Variants in CCDC178 observed in about 807,000 individuals in gnomAD.
CCDC178 encodes coiled-coil domain containing 178.
In CCDC178, 126 loss-of-function variants were observed where a neutral mutation model predicts 117.4. The ratio of observed to expected loss-of-function variants is 1.07; its 90% CI spans 0.93 to 1.24. CCDC178 has a LOEUF of 1.24. CCDC178 is among the 50% of genes most tolerant of loss of function. The pLI is 0.00. For missense variants in CCDC178, 1,030 were observed against 986.9 expected (o/e 1.04, Z -0.59); for synonymous variants, 283 against 313.4 (o/e 0.90, Z 1.02).
chr18:33,115,372 T>A (rs1292842506), intron 20 of CCDC178, among the ~76,000 whole-genome samples: 3 of 152,062 alleles, frequency 2.0e-5, no homozygotes, highest in Non-Finnish European at 4.4e-5. Context: ...AGAAGCCTTA[T>A]TGTAAGAGAA....
At chr18:33,283,052 G>A (rs1238716928) in intron 12 of CCDC178, among the ~76,000 whole-genome samples, 2 of 152,150 alleles carry the variant, frequency 1.3e-5, no homozygotes, top group Non-Finnish European at 2.9e-5. Flanking sequence ...TGCCACTGTG[G>A]TGAAAGCTAG....
chr18:33,149,723 G>A (rs1452222915), intron 20 of CCDC178, among the ~76,000 whole-genome samples: 1 of 152,074 alleles, frequency 6.6e-6, no homozygotes, highest in African/African-American at 2.4e-5. Flanking sequence ...CCACAAACAT[G>A]TAGCAGATTG....
chr18:33,226,999 A>T (rs760809489), intron 15 of CCDC178, 144 bp from the exon 16 acceptor site: 2 of 333,626 alleles, frequency 6.0e-6, no homozygotes, highest in Non-Finnish European at 1.0e-5. Flanking sequence ...ATGTATTTTT[A>T]AAATCCTGGT....
chr18:33,023,083 G>A (rs1189584022), intron 21 of CCDC178, among the ~76,000 whole-genome samples: 3 of 152,074 alleles, frequency 2.0e-5, no homozygotes, highest in Non-Finnish European at 4.4e-5. Flanking sequence ...TGCAAAATAT[G>A]TGAAGGAGAA....
chr18:33,151,354 A>C (rs1262429819), intron 20 of CCDC178, among the ~76,000 whole-genome samples: 2 of 152,202 alleles, frequency 1.3e-5, no homozygotes, highest in Non-Finnish European at 2.9e-5. Context: ...AATATTATTT[A>C]AGTACTTTTT....
rs977988130 is a variant in CCDC178, at chr18:33,132,281, T to C, written c.2239-39371A>G. Among the ~76,000 whole-genome samples the C allele has an allele frequency of 1.1e-4, 16 of 151,908 alleles. No homozygotes were observed. The South Asian group carries it at 2.5e-3, about 24-fold the overall frequency. On this transcript the variant is annotated intron_variant, in intron 20 of 22. Transcript: ENST00000383096. ...AATTCTCTGCATATCCTCTTTGAAA[T>C]GTTTGAGTTACAAACGACTTTTCAA... is the stretch of plus-strand genomic sequence containing the variant.
chr18:33,048,457 G>A (rs1317055624), intron 21 of CCDC178, among the ~76,000 whole-genome samples: 1 of 152,056 alleles, frequency 6.6e-6, no homozygotes, highest in Admixed American at 6.6e-5. Flanking sequence ...TTTCCATTAT[G>A]AAATAGAGTC....
rs181646579 is a variant in CCDC178 at position 33,250,503 on chromosome 18, T to C, written c.1410-5075A>G. Among the ~76,000 whole-genome samples, 269 of 151,526 alleles carry C rather than the reference T, an allele frequency of 1.8e-3. 5 individuals are homozygous for C. Among genetic ancestry groups the C allele is most frequent in the Admixed American group, 0.016 (245 of 15,156 alleles). ...AAACATTAGTGCAGCAACAGTAATA[T>C]CACAAAATATAATTTAATGAGAAAA... On this transcript the variant is annotated intron_variant, in intron 14 of 22. Coordinates refer to ENST00000383096, the MANE Select transcript of CCDC178 (RefSeq NM_001105528.4).
intron 21 of CCDC178, among the ~76,000 whole-genome samples, chr18:33,022,684 G>A (rs2056146679): frequency 6.6e-6 from 1 of 151,892 alleles, no homozygotes. Context: ...AATGAAAACA[G>A]AAAACAAATA....
intron 20 of CCDC178, among the ~76,000 whole-genome samples, chr18:33,120,386 G>GGAA (rs2144209271): frequency 6.6e-6 from 1 of 152,164 alleles, no homozygotes; most frequent in East Asian, 1.9e-4. Context: ...TACAAGGTGG[G>GGAA]TAATGAGAGG....
At chr18:33,310,116 C>T (rs2062318122) in intron 11 of CCDC178, among the ~76,000 whole-genome samples, 1 of 152,054 alleles carries the variant, frequency 6.6e-6, no homozygotes, top group African/African-American at 2.4e-5. Context: ...TGCACACCAC[C>T]ATGCCTGGCT....
chr18:33,302,529 GAA>G (rs2062190230), intron 11 of CCDC178, among the ~76,000 whole-genome samples: 1 of 152,102 alleles, frequency 6.6e-6, no homozygotes, highest in Non-Finnish European at 1.5e-5. Context: ...TTATCCAAAG[GAA>G]AGGAAATCAG....
chr18:33,224,913 T>C lies in CCDC178; in HGVS notation c.1680A>G (p.Glu560=). The change falls in exon 17 of 23, where the codon GAA becomes GAG. Residue 560 remains glutamate (E), a synonymous_variant. Transcript: ENST00000383096. ...VLQKKLYSIY[E]VQALERKELI... ...GCTCTTTCCGCTCAAGTGCCTGGAC[T>C]TCGTAAATGGAATATAGTTTTTTCT... 1.3e-6 allele frequency: 2 copies of C among 1,520,316 alleles called. No homozygotes were observed. The highest frequency in any genetic ancestry group is 1.8e-6 in the Non-Finnish European group (2 of 1,134,528). 94.2% of individuals were successfully genotyped at this position (1,520,316 alleles called of 1,614,324 possible). A position where few individuals can be genotyped will look rare whatever the true frequency, so the allele number is the denominator to read the frequency against.
intron 21 of CCDC178, among the ~76,000 whole-genome samples, chr18:33,062,036 G>T (rs1180655185): frequency 1.3e-5 from 2 of 152,164 alleles, no homozygotes; most frequent in Non-Finnish European, 2.9e-5. Context: ...TGAAATAGGT[G>T]AGGAAAAGAT....
chr18:33,221,761 T>G (rs1219699379), intron 18 of CCDC178, among the ~76,000 whole-genome samples: 1 of 152,080 alleles, frequency 6.6e-6, no homozygotes, highest in African/African-American at 2.4e-5. Flanking sequence ...CATTTTACTA[T>G]GAAAGTCAAT....
chr18:33,172,116 A>T (rs918075592), intron 20 of CCDC178, among the ~76,000 whole-genome samples: 2 of 152,114 alleles, frequency 1.3e-5, no homozygotes, highest in African/African-American at 4.8e-5. Flanking sequence ...CACCATGTTG[A>T]TCAGGCTGGT....
intron 3 of CCDC178, among the ~76,000 whole-genome samples, chr18:33,406,719 T>C (rs1028010556): frequency 6.6e-6 from 1 of 152,042 alleles, no homozygotes; most frequent in Non-Finnish European, 1.5e-5. Context: ...TCAAAACCAA[T>C]TAAATCTAAA....
chr18:33,237,035 T>C (rs2059433199), intron 15 of CCDC178, among the ~76,000 whole-genome samples: 2 of 152,290 alleles, frequency 1.3e-5, no homozygotes, highest in East Asian at 3.9e-4. Flanking sequence ...GAACAACTTA[T>C]GCACTCCCCC....
chr18:33,240,757 C>A (rs1039551506), intron 15 of CCDC178, among the ~76,000 whole-genome samples: 2 of 151,808 alleles, frequency 1.3e-5, no homozygotes, highest in Admixed American at 6.6e-5. Flanking sequence ...GTCTTCACTG[C>A]TGAATTCTAC....
Sources: allele counts gnomAD v4.1 joint callset (sites outside exome capture counted in the v4.1 genomes callset), GRCh38; gene constraint gnomAD v4.1.1; transcripts MANE v1.5; gene names NCBI Gene and HGNC (gene_info 2026-07-23, HGNC 2026-07-21).